Variants in CPEB4 observed in about 807,000 individuals in gnomAD.
CPEB4 encodes the protein cytoplasmic polyadenylation element binding protein 4.
In CPEB4, 12 loss-of-function variants were observed where a neutral mutation model predicts 72.5. That is an observed-to-expected ratio of 0.17 (90% CI 0.11 to 0.27). The LOEUF (loss-of-function observed/expected upper bound fraction) is 0.27. Ranked by LOEUF, CPEB4 falls within the 10% of genes least tolerant of loss-of-function variation. The pLI, the probability that CPEB4 is intolerant of heterozygous loss-of-function variation, is 1.00. For missense variants in CPEB4, 614 were observed against 908.5 expected, an observed-to-expected ratio of 0.68 and a Z score of 4.17; for synonymous variants, 302 against 326.3, an observed-to-expected ratio of 0.93 and a Z score of 0.80.
chr5:173,932,357 AT>A, intron 2 of CPEB4, 92 bp from the exon 3 acceptor site: 1 of 889,190 alleles, frequency 1.1e-6, no homozygotes, highest in South Asian at 1.7e-5. Flanking sequence ...TACCTTGCCT[AT>A]TTGAAAGCAA....
intron 2 of CPEB4, among the ~76,000 whole-genome samples, chr5:173,930,816 G>A (rs965118696): frequency 6.6e-6 from 1 of 151,588 alleles, no homozygotes; most frequent in Non-Finnish European, 1.5e-5. Context: ...GTGAAACCCC[G>A]TCCCTACTAA....
chr5:173,928,323 G>A (rs186196320), intron 2 of CPEB4, among the ~76,000 whole-genome samples: 8 of 152,296 alleles, frequency 5.3e-5, no homozygotes, highest in Admixed American at 4.6e-4. Flanking sequence ...TGGTGCAAAA[G>A]TAGTTGCAGT....
chr5:173,910,778 C>G (rs1454908559), intron 2 of CPEB4, 174 bp downstream of exon 2: 16 of 578,244 alleles, frequency 2.8e-5, no homozygotes, highest in Non-Finnish European at 4.6e-5. Context: ...CTTGATGAAC[C>G]TCTATAGTGG....
intron 3 of CPEB4, among the ~76,000 whole-genome samples, chr5:173,935,903 G>A (rs1010833088): frequency 6.6e-6 from 1 of 152,116 alleles, no homozygotes; most frequent in Non-Finnish European, 1.5e-5. Flanking sequence ...TGCCCTGCTC[G>A]ATCATCAATT....
chr5:173,928,276 G>A (rs1161573567), intron 2 of CPEB4, among the ~76,000 whole-genome samples: 2 of 152,178 alleles, frequency 1.3e-5, no homozygotes, highest in Non-Finnish European at 2.9e-5. Flanking sequence ...GAACCCTAAT[G>A]TAAACTGTGA....
rs562719433 is a variant in CPEB4 at position 173,957,395 on chromosome 5, G to A, written c.*1258G>A. The stretch of plus-strand genomic sequence containing the variant: ...ACTGTGTAAATCTGTGCAAAGGTAC[G>A]TATGTTTATCTTACTCTTCCTATAA... On this transcript the variant is annotated 3_prime_UTR_variant, in exon 10 of 10. Transcript: ENST00000265085. The A allele has an allele frequency of 5.2e-5, 8 of 152,876 alleles. No individual in the cohort carries two copies. Among genetic ancestry groups the A allele is most frequent in the South Asian group, 4.1e-4 (2 of 4,828 alleles). 9.5% of individuals were successfully genotyped at this position (152,876 alleles called of 1,614,324 possible).
intron 3 of CPEB4, among the ~76,000 whole-genome samples, chr5:173,937,090 T>C (rs555011679): frequency 3.3e-4 from 48 of 144,936 alleles, no homozygotes; most frequent in African/African-American, 1.2e-3. Context: ...TGATCCAGGC[T>C]GGAGTGCAGT....
At chr5:173,924,396 G>A (rs1239998237) in intron 2 of CPEB4, among the ~76,000 whole-genome samples, 1 of 152,104 alleles carries the variant, frequency 6.6e-6, no homozygotes, top group Non-Finnish European at 1.5e-5. Context: ...TTTAACCAAG[G>A]ACACTAGCAA....
At chr5:173,906,929 A>G (rs1345306158) in intron 1 of CPEB4, among the ~76,000 whole-genome samples, 1 of 152,212 alleles carries the variant, frequency 6.6e-6, no homozygotes, top group Non-Finnish European at 1.5e-5. Context: ...AGTGGGAGGA[A>G]AGTGTGGAAT....
Position 173,889,495 on chromosome 5 carries a change from G to A in CPEB4, c.-239G>A. 1 of 396,124 alleles carries A rather than the reference G, an allele frequency of 2.5e-6. No homozygotes were observed. The highest frequency in any genetic ancestry group is 4.1e-5 in the Admixed American group (1 of 24,500). The allele number at this position is 396,124 out of a possible 1,614,324, so 24.5% of individuals were successfully genotyped here. On this transcript the variant is annotated 5_prime_UTR_variant, in exon 1 of 10. Coordinates refer to ENST00000265085, the MANE Select transcript of CPEB4 (RefSeq NM_030627.4). ...CATTTTTATTCCCTCCTAAAAATAA[G>A]CCCAATTGGATCCAAGTCAATGTTT... is the stretch of plus-strand genomic sequence containing the variant.
chr5:173,896,147 C>G (rs1016431050), intron 1 of CPEB4, among the ~76,000 whole-genome samples: 1 of 152,088 alleles, frequency 6.6e-6, no homozygotes, highest in Non-Finnish European at 1.5e-5. Context: ...CTTGATAATT[C>G]GCTGTCATAT....
rs1282523161 is a variant in CPEB4, at chr5:173,959,933, C to T, written c.*3796C>T. On this transcript the variant is annotated 3_prime_UTR_variant, in exon 10 of 10. Transcript: ENST00000265085. The stretch of plus-strand genomic sequence containing the variant: ...AAGTGGGTGTCTAGTTTTTACTAAT[C>T]CCTAATTTTTTTTCCAGTGTATTGC... 1 of 152,214 alleles carries T rather than the reference C, an allele frequency of 6.6e-6. No homozygotes were observed. Among genetic ancestry groups the T allele is most frequent in the Non-Finnish European group, 1.5e-5 (1 of 67,900 alleles). The allele number at this position is 152,214 out of a possible 1,614,324, so 9.4% of individuals were successfully genotyped here.
At chr5:173,899,465 A>G (rs919594281) in intron 1 of CPEB4, among the ~76,000 whole-genome samples, 7 of 152,190 alleles carry the variant, frequency 4.6e-5, no homozygotes, top group African/African-American at 2.4e-5. Flanking sequence ...AGTCTGTTTC[A>G]CTGCTCAACC....
chr5:173,893,441 A>AC (rs1755888525), intron 1 of CPEB4, among the ~76,000 whole-genome samples: 1 of 151,860 alleles, frequency 6.6e-6, no homozygotes, highest in Non-Finnish European at 1.5e-5. Context: ...ACATAGTGAG[A>AC]CCCCCGTCTC....
chr5:173,951,769 TGCCCA>T, intron 7 of CPEB4, 50 bp from the exon 8 acceptor site: 1 of 951,450 alleles, frequency 1.1e-6, no homozygotes, highest in South Asian at 1.3e-5. Flanking sequence ...TTAACTTTTT[TGCCCA>T]TGAATTGTCT....
chr5:173,946,152 T>C (rs1382692204), intron 5 of CPEB4, among the ~76,000 whole-genome samples: 2 of 152,180 alleles, frequency 1.3e-5, no homozygotes, highest in African/African-American at 4.8e-5. Context: ...GAGACAGAAA[T>C]GGTTCTAAAA....
At chr5:173,894,690 A>G (rs1755941496) in intron 1 of CPEB4, among the ~76,000 whole-genome samples, 1 of 152,010 alleles carries the variant, frequency 6.6e-6, no homozygotes, top group Non-Finnish European at 1.5e-5. Context: ...GATTCATTTA[A>G]TTCACTCAAC....
At chr5:173,944,924 G>T in intron 4 of CPEB4, 43 bp from the exon 5 acceptor site, 2 of 1,544,452 alleles carry the variant, frequency 1.3e-6, no homozygotes, top group South Asian at 1.2e-5. Context: ...TCAGTGGCAA[G>T]GAACATTTTC....
At chr5:173,902,668 C>T (rs567273371) in intron 1 of CPEB4, among the ~76,000 whole-genome samples, 38 of 152,232 alleles carry the variant, frequency 2.5e-4, no homozygotes, top group African/African-American at 9.1e-4. Flanking sequence ...TACTTTTAAA[C>T]AAGAGTGAAA....
Sources: allele counts gnomAD v4.1 joint callset (sites outside exome capture counted in the v4.1 genomes callset), GRCh38; gene constraint gnomAD v4.1.1; transcripts MANE v1.5; gene names NCBI Gene and HGNC (gene_info 2026-07-23, HGNC 2026-07-21).